The following DROSHA variants were observed in gnomAD, a reference collection of about 807,000 sequenced individuals.
DROSHA encodes ribonuclease 3.
A neutral mutation model predicts 181.9 loss-of-function variants in DROSHA; 56 were observed. The observed-to-expected ratio is 0.31, with a 90% confidence interval of 0.25 to 0.38. The LOEUF (loss-of-function observed/expected upper bound fraction) is 0.38, where lower values mean the gene tolerates loss of function less well. Among genes scored for constraint, DROSHA ranks in the 10% least tolerant of loss-of-function variants. DROSHA has a pLI of 1.00. For missense variants in DROSHA, 1,218 were observed against 1,743.5 expected (o/e 0.70, Z 5.37); for synonymous variants, 524 against 591.2 (o/e 0.89, Z 1.65).
chr5:31,441,120 TAA>T (rs374464639), intron 23 of DROSHA, among the ~76,000 whole-genome samples: 6 of 144,118 alleles, frequency 4.2e-5, no homozygotes, highest in Admixed American at 6.9e-5. Context: ...TAATTTAGTT[TAA>T]AAAAAAAAAA....
chr5:31,472,521 TA>T (rs1257651865), intron 16 of DROSHA, among the ~76,000 whole-genome samples: 1 of 152,224 alleles, frequency 6.6e-6, no homozygotes, highest in Non-Finnish European at 1.5e-5. Context: ...GGTGCCTATC[TA>T]AATAAATTTA....
At chr5:31,443,658 T>A (rs1745920418) in intron 23 of DROSHA, among the ~76,000 whole-genome samples, 1 of 152,212 alleles carries the variant, frequency 6.6e-6, no homozygotes, top group Non-Finnish European at 1.5e-5. Context: ...GTAGTTTTCA[T>A]GGGCAGCCAG....
intron 17 of DROSHA, among the ~76,000 whole-genome samples, chr5:31,469,791 T>C (rs915402454): frequency 3.3e-5 from 5 of 152,228 alleles, no homozygotes; most frequent in Non-Finnish European, 7.3e-5. Context: ...ACATTTATTA[T>C]GCCATCTTTG....
chr5:31,453,090 A>T (rs1046111591), intron 20 of DROSHA, among the ~76,000 whole-genome samples: 2 of 152,256 alleles, frequency 1.3e-5, no homozygotes, highest in African/African-American at 4.8e-5. Flanking sequence ...TTTCTAAAGC[A>T]TGAACTCAAC....
At position 31,473,772 on chromosome 5, in the gene DROSHA, G is replaced by GAGA. The variant is rs1233010569; in HGVS notation, c.2072-1543_2072-1541dup. Among the ~76,000 whole-genome samples the GAGA allele has an allele frequency of 3.3e-5, 5 of 152,326 alleles. No homozygotes were observed. In the East Asian group the frequency reaches 7.7e-4, roughly 23 times the overall value. ...GCTACCATGCAGCAGTCTGGAAGAG[G>GAGA]AGAAGAAAGAGCAAATGCCCTAAGG... On this transcript the variant is annotated intron_variant, in intron 16 of 35. Coordinates refer to ENST00000344624, the MANE Select transcript of DROSHA (RefSeq NM_001382508.1).
At chr5:31,460,888 G>A (rs1236975287) in intron 20 of DROSHA, among the ~76,000 whole-genome samples, 1 of 151,860 alleles carries the variant, frequency 6.6e-6, no homozygotes, top group Non-Finnish European at 1.5e-5. Flanking sequence ...GTAAGCCACA[G>A]CCAATTCTAC....
intron 5 of DROSHA, 112 bp from the exon 6 acceptor site, chr5:31,521,327 G>A: frequency 8.6e-7 from 1 of 1,168,400 alleles, no homozygotes; most frequent in Non-Finnish European, 1.2e-6. Context: ...AATTTTTCAG[G>A]CACTGTTCAC....
rs1198082260 is a variant in DROSHA, at chr5:31,412,878, G to A, written c.3526-1991C>T. Among the ~76,000 whole-genome samples, 4 of 152,292 alleles carry A rather than the reference G, an allele frequency of 2.6e-5. No individual in the cohort carries two copies. In the East Asian group the frequency reaches 7.7e-4, roughly 29 times the overall value. ...TTGGTTTGGATTTCATATGGGGACG[G>A]GGAGCTTTCCTAAAGTAGAGGCTGT... On this transcript the variant is annotated intron_variant, in intron 30 of 35. Transcript: ENST00000344624.
rs58303739 is a variant in DROSHA at position 31,503,457 on chromosome 5, A to T, written c.1668+1098T>A. ...CCTTCAAGGAAGGGCCTGCTGTCCA[A>T]ATGTGCACTGTGTAGTCAGCACACA... On this transcript the variant is annotated intron_variant, in intron 11 of 35. Transcript: ENST00000344624. Among the ~76,000 whole-genome samples the T allele has an allele frequency of 5.6e-3, 858 of 152,120 alleles. 14 individuals are homozygous for T. Among genetic ancestry groups the T allele is most frequent in the African/African-American group, 0.019 (801 of 41,502 alleles).
chr5:31,486,388 C>T, intron 14 of DROSHA, 103 bp downstream of exon 14: 1 of 1,132,684 alleles, frequency 8.8e-7, no homozygotes, highest in Non-Finnish European at 1.3e-6. Context: ...TAGAGATATT[C>T]CTGGCAAAAG....
intron 5 of DROSHA, 134 bp downstream of exon 5, chr5:31,525,945 G>A (rs1740488550): frequency 2.2e-6 from 2 of 909,664 alleles, no homozygotes; most frequent in African/African-American, 1.7e-5. Flanking sequence ...TGAAAACAGA[G>A]TCCAAAATGT....
chr5:31,493,474 T>TC (rs1752624617), intron 12 of DROSHA, among the ~76,000 whole-genome samples, 181 bp from the exon 13 acceptor site: 1 of 152,194 alleles, frequency 6.6e-6, no homozygotes, highest in African/African-American at 2.4e-5. Flanking sequence ...GTAAGTATAA[T>TC]ATTTACGTAC....
At chr5:31,449,999 G>A (rs190330347) in intron 21 of DROSHA, among the ~76,000 whole-genome samples, 4 of 151,966 alleles carry the variant, frequency 2.6e-5, no homozygotes, top group Admixed American at 1.3e-4. Context: ...TTAAAAAGTG[G>A]GCAAATGACA....
chr5:31,408,830 T>C (rs914583130), intron 33 of DROSHA: 2 of 416,890 alleles, frequency 4.8e-6, no homozygotes, highest in African/African-American at 4.0e-5. Context: ...TTTTTAGAAA[T>C]GGGAGAGAAC....
chr5:31,466,359 G>C, intron 18 of DROSHA, 78 bp from the exon 19 acceptor site: 1 of 1,194,984 alleles, frequency 8.4e-7, no homozygotes, highest in Non-Finnish European at 1.2e-6. Context: ...TATTTTAAGA[G>C]GCCTCTTCAA....
chr5:31,421,562 A>G (rs1394699647), intron 29 of DROSHA, among the ~76,000 whole-genome samples, 185 bp from the exon 30 acceptor site: 1 of 152,126 alleles, frequency 6.6e-6, no homozygotes, highest in East Asian at 1.9e-4. Context: ...ATATAGGCTG[A>G]GTTTTAAAGA....
At chr5:31,445,213 C>G (rs1746106434) in intron 23 of DROSHA, among the ~76,000 whole-genome samples, 1 of 152,232 alleles carries the variant, frequency 6.6e-6, no homozygotes, top group African/African-American at 2.4e-5. Context: ...CTGTACCTCA[C>G]ACACAAAGAT....
rs35756228 is a variant in DROSHA at position 31,456,463 on chromosome 5, TACACAC to T, written c.2575-4829_2575-4824del. 3.1e-3 allele frequency among the ~76,000 whole-genome samples: 457 copies of T among 146,626 alleles called. 3 individuals are homozygous for T. The highest frequency in any genetic ancestry group is 0.01 in the African/African-American group (407 of 39,848). ...CTATTTTTACTAAAAGACAACAAGA[TACACAC>T]ACACACACACACACACACACACACA... On this transcript the variant is annotated intron_variant, in intron 20 of 35. Transcript: ENST00000344624.
intron 27 of DROSHA, among the ~76,000 whole-genome samples, chr5:31,426,845 G>A (rs1048508357): frequency 1.3e-5 from 2 of 152,126 alleles, no homozygotes; most frequent in South Asian, 4.2e-4. Flanking sequence ...TGATGGACTG[G>A]AGCGGTGGGG....
Sources: gnomAD v4.1 joint callset for allele counts (sites outside exome capture counted in the v4.1 genomes callset) on GRCh38, gnomAD v4.1.1 for gene constraint, MANE v1.5 for transcripts, NCBI Gene and HGNC (gene_info 2026-07-23, HGNC 2026-07-21) for gene names.